OPHN1: variants seen among roughly 807,000 people sequenced by gnomAD.
OPHN1 encodes the protein oligophrenin 1.
OPHN1 carries 11 observed loss-of-function variants against 60.7 expected under a neutral mutation model. The observed-to-expected ratio is 0.18, with a 90% CI of 0.11 to 0.30. OPHN1 has a LOEUF of 0.30. OPHN1 is among the 10% of genes least tolerant of loss of function. The pLI, the probability that OPHN1 is intolerant of heterozygous loss-of-function variation, is 1.00. For synonymous variants in OPHN1, 226 were observed against 222.6 expected (o/e 1.02, Z -0.14); for missense variants, 449 against 611.0 (o/e 0.73, Z 2.80).
At chrX:68,231,106 A>G (rs1024875613) in intron 6 of OPHN1, among the ~76,000 whole-genome samples, 7 of 111,894 alleles carry the variant, frequency 6.3e-5, no homozygotes, top group African/African-American at 2.3e-4. Context: ...ATTTGCAACA[A>G]CATGGATGGA....
intron 9 of OPHN1, among the ~76,000 whole-genome samples, chrX:68,209,087 C>T (rs1006564246): frequency 9.8e-5 from 11 of 112,169 alleles, no homozygotes; most frequent in Non-Finnish European, 2.1e-4. Context: ...CTACTGGCAG[C>T]CTCTGGGTGT....
intron 6 of OPHN1, among the ~76,000 whole-genome samples, chrX:68,215,673 A>T (rs767267689): frequency 1.1e-4 from 12 of 111,946 alleles, no homozygotes; most frequent in Non-Finnish European, 1.9e-4. Context: ...GAGTTATATC[A>T]GACTTCTCTT....
chrX:68,346,334 A>T lies in OPHN1; in HGVS notation c.155-47238T>A, dbSNP rs960607780. ...TGAACTGAAGAGAGAAGTGACCAAG[A>T]AGACAAACTTCTATTAATAGGAGGC... On this transcript the variant is annotated intron_variant, in intron 2 of 24. Coordinates refer to ENST00000355520, the MANE Select transcript of OPHN1 (RefSeq NM_002547.3). 5.4e-5 allele frequency among the ~76,000 whole-genome samples: 6 copies of T among 111,951 alleles called. No homozygotes were observed. In the Admixed American group the frequency reaches 5.7e-4, roughly 11 times the overall value.
rs757732263 is a variant in OPHN1, at chrX:68,415,784, G to A, written c.154+17083C>T. 1.8e-3 allele frequency among the ~76,000 whole-genome samples: 199 copies of A among 110,379 alleles called. 3 individuals carry two copies. Among genetic ancestry groups the A allele is most frequent in the Non-Finnish European group, 3.2e-4 (17 of 52,969 alleles). On this transcript the variant is annotated intron_variant, in intron 2 of 24. Coordinates refer to ENST00000355520, the MANE Select transcript of OPHN1 (RefSeq NM_002547.3). ...AATCCCAACACTTTGGGAGGCCACC[G>A]CAGGCAGATCACCTGGGGCCAGGAG...
At chrX:68,126,695 T>G in intron 15 of OPHN1, among the ~76,000 whole-genome samples, 1 of 112,089 alleles carries the variant, frequency 8.9e-6, no homozygotes, top group East Asian at 2.8e-4. Flanking sequence ...TCCACCAGCC[T>G]TGGCCTCCCA....
At chrX:68,383,317 C>T (rs369295126) in intron 2 of OPHN1, among the ~76,000 whole-genome samples, 3 of 110,556 alleles carry the variant, frequency 2.7e-5, no homozygotes, top group South Asian at 3.9e-4. Flanking sequence ...TTTGGCTGGG[C>T]GTGGTGGCTC....
intron 2 of OPHN1, among the ~76,000 whole-genome samples, chrX:68,328,192 G>T (rs1261099007): frequency 1.1e-5 from 1 of 89,662 alleles, no homozygotes; most frequent in Admixed American, 1.3e-4. Flanking sequence ...GCAGTGGCGC[G>T]ATCTCGGCTC....
intron 21 of OPHN1, among the ~76,000 whole-genome samples, chrX:68,059,420 C>G (rs1466620186): frequency 9.0e-6 from 1 of 111,627 alleles, no homozygotes; most frequent in Non-Finnish European, 1.9e-5. Flanking sequence ...CTAGAATTAC[C>G]TCTTTTTTTC....
intron 2 of OPHN1, among the ~76,000 whole-genome samples, chrX:68,308,453 G>A (rs2078156737): frequency 1.8e-5 from 2 of 108,915 alleles, no homozygotes; most frequent in African/African-American, 6.7e-5. Flanking sequence ...TCAGGCAGGC[G>A]TGGTGGTGTG....
chrX:68,324,253 A>G (rs1057197562), intron 2 of OPHN1, among the ~76,000 whole-genome samples: 10 of 111,328 alleles, frequency 9.0e-5, no homozygotes, highest in Admixed American at 1.9e-4. Context: ...CAGTTCATCA[A>G]AGTTACTGGA....
intron 2 of OPHN1, among the ~76,000 whole-genome samples, chrX:68,406,340 G>A (rs1470772799): frequency 8.1e-5 from 9 of 111,129 alleles, no homozygotes; most frequent in East Asian, 2.8e-4. Context: ...GGCCAGGCAC[G>A]GTGGCTCACG....
chrX:68,321,534 C>A (rs1031349321), intron 2 of OPHN1, among the ~76,000 whole-genome samples: 6 of 111,937 alleles, frequency 5.4e-5, no homozygotes, highest in Non-Finnish European at 1.1e-4. Flanking sequence ...GGCTTCCATT[C>A]TACCCAAAGT....
chrX:68,075,898 C>G (rs5965495), intron 19 of OPHN1, among the ~76,000 whole-genome samples: 2,387 of 107,858 alleles, frequency 0.022, 70 homozygotes, highest in African/African-American at 0.076. Context: ...GGAGAAAAAT[C>G]TTTGTAATCT....
chrX:68,192,063 A>G (rs1790918257), intron 15 of OPHN1, among the ~76,000 whole-genome samples: 1 of 93,959 alleles, frequency 1.1e-5, no homozygotes, highest in African/African-American at 7.1e-5. Context: ...AACCAGAATA[A>G]AAAAAAATCA....
chrX:68,134,734 G>T (rs1223646917), intron 15 of OPHN1, among the ~76,000 whole-genome samples: 1 of 110,032 alleles, frequency 9.1e-6, no homozygotes, highest in Non-Finnish European at 1.9e-5. Flanking sequence ...CTTCACCTTT[G>T]TATCAGTTAT....
intron 20 of OPHN1, among the ~76,000 whole-genome samples, chrX:68,067,885 G>A (rs1315033404): frequency 8.9e-6 from 1 of 111,852 alleles, no homozygotes; most frequent in Non-Finnish European, 1.9e-5. Context: ...TATAGGAAGT[G>A]TGATATTATA....
At chrX:68,264,383 C>T (rs1263681177) in intron 5 of OPHN1, among the ~76,000 whole-genome samples, 1 of 111,388 alleles carries the variant, frequency 9.0e-6, no homozygotes, top group African/African-American at 3.3e-5. Flanking sequence ...TATCTAGAAT[C>T]TACAAAGAAC....
intron 5 of OPHN1, among the ~76,000 whole-genome samples, chrX:68,236,177 T>C (rs1278143370): frequency 1.8e-5 from 2 of 111,027 alleles, no homozygotes; most frequent in Non-Finnish European, 3.8e-5. Flanking sequence ...CTCGAGAAGT[T>C]CCATAGCCCA....
chrX:68,106,999 A>G (rs965467666), intron 18 of OPHN1, among the ~76,000 whole-genome samples: 1 of 111,966 alleles, frequency 8.9e-6, no homozygotes. Context: ...ACATATTGCC[A>G]TATTTGCTTT....
Sources: allele counts gnomAD v4.1 joint callset (sites outside exome capture counted in the v4.1 genomes callset), GRCh38; gene constraint gnomAD v4.1.1; transcripts MANE v1.5; gene names NCBI Gene and HGNC (gene_info 2026-07-23, HGNC 2026-07-21).